Variants in LRRC37A2 observed in about 807,000 individuals in gnomAD.
LRRC37A2 encodes the protein leucine rich repeat containing 37 member A2.
Under a neutral mutation model 68.8 loss-of-function variants are expected in LRRC37A2, and 9 were observed. That is an observed-to-expected ratio of 0.13 (90% CI 0.08 to 0.23). The LOEUF (loss-of-function observed/expected upper bound fraction) is 0.23, where lower values mean the gene tolerates loss of function less well. Among genes scored for constraint, LRRC37A2 ranks in the 10% least tolerant of loss-of-function variants. The pLI, the probability that LRRC37A2 is intolerant of heterozygous loss-of-function variation, is 1.00. For missense variants in LRRC37A2, 168 were observed against 950.4 expected, an observed-to-expected ratio of 0.18 and a Z score of 10.82; for synonymous variants, 63 against 367.6, an observed-to-expected ratio of 0.17 and a Z score of 9.48.
At chr17:46,776,354 G>T in the LRRC37A2 span, among the ~76,000 whole-genome samples, 1 of 152,358 alleles carries the variant, frequency 6.6e-6, no homozygotes, top group South Asian at 2.1e-4. Flanking sequence ...TTAGAAGCAG[G>T]TTAGAGTGAT....
chr17:46,934,231 A>G, the LRRC37A2 span, among the ~76,000 whole-genome samples: 2 of 139,862 alleles, frequency 1.4e-5, no homozygotes, highest in African/African-American at 3.1e-5. Context: ...AAGTTATTCT[A>G]CCTCTCTGGG....
chr17:46,715,145 A>T, the LRRC37A2 span, among the ~76,000 whole-genome samples: 1 of 152,212 alleles, frequency 6.6e-6, no homozygotes, highest in Admixed American at 6.5e-5. Flanking sequence ...ATACACATTG[A>T]AGAGTCCAGA....
At chr17:46,552,985 GT>G (rs1185195421) in intron 11 of LRRC37A2, among the ~76,000 whole-genome samples, 2 of 141,050 alleles carry the variant, frequency 1.4e-5, no homozygotes, top group African/African-American at 5.8e-5. Context: ...AGCCCAGGAG[GT>G]TGAGGCTACA....
At chr17:46,595,306 G>T in the LRRC37A2 span, among the ~76,000 whole-genome samples, 1 of 54,148 alleles carries the variant, frequency 1.8e-5, no homozygotes. Flanking sequence ...ACTACTGAGT[G>T]ATTTTTAGCA....
chr17:46,996,129 C>G, the LRRC37A2 span, among the ~76,000 whole-genome samples: 1 of 152,168 alleles, frequency 6.6e-6, no homozygotes. Context: ...TGGCTTCTGC[C>G]CTGGGCCTGC....
chr17:46,929,543 G>T, the LRRC37A2 span: 5 of 1,568,014 alleles, frequency 3.2e-6, no homozygotes, highest in Non-Finnish European at 3.5e-6. Context: ...ATCCAGTCTT[G>T]CATGGGACGC....
At chr17:46,704,909 C>T in the LRRC37A2 span, 2 of 1,554,208 alleles carry the variant, frequency 1.3e-6, no homozygotes, top group Non-Finnish European at 1.7e-6. Context: ...AATAATAACT[C>T]AGGCGAAAAG....
the LRRC37A2 span, among the ~76,000 whole-genome samples, chr17:46,733,959 G>T: frequency 6.6e-6 from 1 of 152,208 alleles, no homozygotes; most frequent in Non-Finnish European, 1.5e-5. Context: ...GACCTAAGGT[G>T]TGGACCAATA....
the LRRC37A2 span, among the ~76,000 whole-genome samples, chr17:46,966,318 G>C: frequency 6.6e-6 from 1 of 152,122 alleles, no homozygotes; most frequent in African/African-American, 2.4e-5. Context: ...GGGTCTTGCT[G>C]TGTTGCCCAG....
At chr17:46,997,636 C>T in the LRRC37A2 span, among the ~76,000 whole-genome samples, 4 of 151,996 alleles carry the variant, frequency 2.6e-5, no homozygotes, top group East Asian at 5.8e-4. Context: ...AAATCCAGAC[C>T]GTGGGTAATA....
the LRRC37A2 span, among the ~76,000 whole-genome samples, chr17:46,945,445 A>G: frequency 6.6e-6 from 1 of 152,068 alleles, no homozygotes; most frequent in Non-Finnish European, 1.5e-5. Flanking sequence ...AGTGTTTGAG[A>G]TGGGGTTGGC....
At chr17:46,936,453 A>C in the LRRC37A2 span, 7 of 985,328 alleles carry the variant, frequency 7.1e-6, no homozygotes, top group Non-Finnish European at 7.2e-6. Context: ...TTGAGACTTG[A>C]GGTTTCTAAC....
At chr17:46,853,546 A>G in the LRRC37A2 span, among the ~76,000 whole-genome samples, 35 of 151,520 alleles carry the variant, frequency 2.3e-4, no homozygotes, top group African/African-American at 8.2e-4. Context: ...TAATTTTTGT[A>G]TTTTTAGTAG....
At chr17:46,755,767 A>G in the LRRC37A2 span, 1 of 1,560,378 alleles carries the variant, frequency 6.4e-7, no homozygotes, top group Non-Finnish European at 8.6e-7. Context: ...ACGGACCCTC[A>G]TCTGTTTTTT....
chr17:46,876,922 C>T, the LRRC37A2 span: 1 of 1,345,974 alleles, frequency 7.4e-7, no homozygotes, highest in Non-Finnish European at 9.5e-7. Context: ...AGCAAAGCCT[C>T]CTCCCTTAAC....
chr17:46,872,446 C>A, the LRRC37A2 span: 1 of 1,428,274 alleles, frequency 7.0e-7, no homozygotes, highest in South Asian at 1.7e-5. Flanking sequence ...CCTGAGGAGG[C>A]CCCTTCCCTT....
chr17:46,784,806 C>T, the LRRC37A2 span, among the ~76,000 whole-genome samples: 4 of 149,342 alleles, frequency 2.7e-5, no homozygotes, highest in African/African-American at 7.4e-5. Flanking sequence ...GATGGAGTCT[C>T]GCTCTGTCGC....
chr17:46,781,827 TC>T, the LRRC37A2 span, among the ~76,000 whole-genome samples: 1 of 152,158 alleles, frequency 6.6e-6, no homozygotes, highest in Non-Finnish European at 1.5e-5. Flanking sequence ...CCGGGTCTAG[TC>T]TAATTCCCTC....
At chr17:46,923,695 A>T in the LRRC37A2 span, 1 of 670,310 alleles carries the variant, frequency 1.5e-6, no homozygotes. Flanking sequence ...TTTTTATGGT[A>T]CAAAGAAATT....
Sources: allele counts gnomAD v4.1 joint callset (sites outside exome capture counted in the v4.1 genomes callset), GRCh38; gene constraint gnomAD v4.1.1; transcripts MANE v1.5; gene names NCBI Gene and HGNC (gene_info 2026-07-23, HGNC 2026-07-21).